The following INPP4B variants were observed in gnomAD, a reference collection of about 807,000 sequenced individuals.
INPP4B encodes inositol polyphosphate-4-phosphatase type II B, also known as inositol polyphosphate 4-phosphatase type II.
Under a neutral mutation model 122.5 loss-of-function variants are expected in INPP4B, and 55 were observed. That is an observed-to-expected ratio of 0.45 (90% CI 0.36 to 0.56). The LOEUF (loss-of-function observed/expected upper bound fraction) is 0.56, where lower values mean the gene tolerates loss of function less well. Among genes scored for constraint, INPP4B ranks in the 20% least tolerant of loss-of-function variants. INPP4B has a pLI of 0.00. For synonymous variants in INPP4B, 403 were observed against 388.7 expected (o/e 1.04, Z -0.43); for missense variants, 1,000 against 1,097.7 (o/e 0.91, Z 1.26).
chr4:142,484,274 C>T (rs1195143192), intron 2 of INPP4B, among the ~76,000 whole-genome samples: 1 of 151,800 alleles, frequency 6.6e-6, no homozygotes, highest in Non-Finnish European at 1.5e-5. Context: ...AAGAAATATG[C>T]TTTGAAAAAA....
intron 2 of INPP4B, among the ~76,000 whole-genome samples, chr4:142,484,431 A>G (rs1820955441): frequency 6.6e-6 from 1 of 152,086 alleles, no homozygotes; most frequent in East Asian, 1.9e-4. Flanking sequence ...GTTGAAAGCC[A>G]CAACCTCCAG....
intron 1 of INPP4B, among the ~76,000 whole-genome samples, chr4:142,781,916 G>T (rs1242133709): frequency 6.6e-6 from 1 of 151,828 alleles, no homozygotes; most frequent in Non-Finnish European, 1.5e-5. Context: ...ACTGGTCACT[G>T]GTTCAGCTGA....
chr4:142,798,042 G>T (rs6844306), intron 1 of INPP4B, among the ~76,000 whole-genome samples: 2 of 151,646 alleles, frequency 1.3e-5, no homozygotes, highest in African/African-American at 4.8e-5. Context: ...AAACACTGGA[G>T]CATCAATAGA....
At chr4:142,797,303 G>C (rs1455095020) in intron 1 of INPP4B, among the ~76,000 whole-genome samples, 1 of 151,878 alleles carries the variant, frequency 6.6e-6, no homozygotes, top group East Asian at 1.9e-4. Context: ...TTAGACTTAC[G>C]TTCTACTGCC....
chr4:142,405,119 G>A (rs920194589), intron 6 of INPP4B, 87 bp downstream of exon 6: 9 of 669,766 alleles, frequency 1.3e-5, no homozygotes, highest in South Asian at 9.9e-5. Context: ...GGGCGGGGGT[G>A]GGGGGGAGGG....
At chr4:142,573,666 G>A (rs1277557441) in intron 2 of INPP4B, among the ~76,000 whole-genome samples, 1 of 152,118 alleles carries the variant, frequency 6.6e-6, no homozygotes, top group Non-Finnish European at 1.5e-5. Context: ...GTAAAAGGAT[G>A]CAGTTGCGTG....
chr4:142,501,935 C>T (rs1580225406), intron 2 of INPP4B, among the ~76,000 whole-genome samples: 7 of 152,144 alleles, frequency 4.6e-5, no homozygotes, highest in Admixed American at 4.6e-4. Flanking sequence ...TCCACCTCCA[C>T]CCGTGAGCAT....
At chr4:142,427,715 T>C (rs954964928) in intron 5 of INPP4B, among the ~76,000 whole-genome samples, 10 of 152,032 alleles carry the variant, frequency 6.6e-5, no homozygotes, top group Non-Finnish European at 1.0e-4. Context: ...GAAAGCTTTA[T>C]TTGTGCTTGG....
chr4:142,118,069 A>G (rs1305507548), intron 21 of INPP4B, among the ~76,000 whole-genome samples: 1 of 152,178 alleles, frequency 6.6e-6, no homozygotes, highest in Non-Finnish European at 1.5e-5. Context: ...TAAAATAACT[A>G]GGAATCCAAC....
chr4:142,799,492 C>CA (rs1777737649), intron 1 of INPP4B, among the ~76,000 whole-genome samples: 1 of 151,294 alleles, frequency 6.6e-6, no homozygotes, highest in Non-Finnish European at 1.5e-5. Flanking sequence ...ATTCTACTTT[C>CA]AAAAAATAAT....
intron 14 of INPP4B, among the ~76,000 whole-genome samples, chr4:142,204,878 G>GA (rs1561475716): frequency 6.6e-6 from 1 of 151,968 alleles, no homozygotes; most frequent in Non-Finnish European, 1.5e-5. Context: ...CCAGAATTGT[G>GA]AAAAAAATAA....
At chr4:142,109,140 C>CT (rs74562601) in intron 22 of INPP4B, among the ~76,000 whole-genome samples, 78 of 147,264 alleles carry the variant, frequency 5.3e-4, no homozygotes, top group African/African-American at 1.1e-3. Context: ...GTAACCCTTC[C>CT]TTTTTTTTTT....
chr4:142,169,675 T>A (rs900664021), intron 16 of INPP4B, among the ~76,000 whole-genome samples: 5 of 151,704 alleles, frequency 3.3e-5, no homozygotes, highest in African/African-American at 4.8e-5. Flanking sequence ...ATTTCTCAAA[T>A]ACGCTGTGAG....
At chr4:142,418,953 C>T (rs540787455) in intron 5 of INPP4B, among the ~76,000 whole-genome samples, 1 of 152,170 alleles carries the variant, frequency 6.6e-6, no homozygotes, top group Non-Finnish European at 1.5e-5. Context: ...AATTGAAGGA[C>T]AGTGGTGGGG....
At chr4:142,828,644 G>A (rs1781734628) in intron 1 of INPP4B, among the ~76,000 whole-genome samples, 1 of 152,004 alleles carries the variant, frequency 6.6e-6, no homozygotes, top group South Asian at 2.1e-4. Context: ...GGCTTACATT[G>A]AAAAATGAAC....
intron 2 of INPP4B, among the ~76,000 whole-genome samples, chr4:142,463,304 G>T (rs1305125008): frequency 2.6e-5 from 4 of 152,258 alleles, no homozygotes. Context: ...TCTGGTGTCT[G>T]AATCACCCAG....
chr4:142,268,828 C>T (rs778570816), intron 10 of INPP4B, among the ~76,000 whole-genome samples: 2 of 152,038 alleles, frequency 1.3e-5, no homozygotes, highest in African/African-American at 2.4e-5. Flanking sequence ...CTCACTATGT[C>T]GGAAGGAAAG....
chr4:142,781,999 T>C (rs1774908132), intron 1 of INPP4B, among the ~76,000 whole-genome samples: 1 of 151,970 alleles, frequency 6.6e-6, no homozygotes, highest in Non-Finnish European at 1.5e-5. Flanking sequence ...ATTATTATTA[T>C]ACTTTAAGTT....
At position 142,082,175 on chromosome 4, in the gene INPP4B, T is replaced by C. The variant is rs1169200698; in HGVS notation, c.2498A>G (p.Lys833Arg). 7 of 1,513,492 alleles carry C rather than the reference T, an allele frequency of 4.6e-6. No homozygotes were observed. The South Asian group carries it at 9.2e-5, about 20-fold the overall frequency. The allele number at this position is 1,513,492 out of a possible 1,614,324, so 93.8% of individuals were successfully genotyped here. A position where few individuals can be genotyped will look rare whatever the true frequency, so the allele number is the denominator to read the frequency against. Residue 833 changes from lysine to arginine, a missense_variant, in exon 25 of 26, where the codon AAA becomes AGA. Physicochemically the swap from Lys to Arg is conservative, Grantham distance 26. Transcript: ENST00000262992. ...ACAGGTGAAACGAATACCATTCAGT[T>C]TGCGGCAAATCTGTAACATATGTAA... is the stretch of plus-strand genomic sequence containing the variant. ...IMWLAATICRKLNGIRFTCCK... is the reference protein window; with the variant it reads ...IMWLAATICRRLNGIRFTCCK...
Sources: gnomAD v4.1 joint callset for allele counts (sites outside exome capture counted in the v4.1 genomes callset) on GRCh38, gnomAD v4.1.1 for gene constraint, MANE v1.5 for transcripts, NCBI Gene and HGNC (gene_info 2026-07-23, HGNC 2026-07-21) for gene names.